PI4KB: variants seen among roughly 807,000 people sequenced by gnomAD.
PI4KB encodes phosphatidylinositol 4-kinase beta, also known as PtdIns 4-kinase beta.
A neutral mutation model predicts 81.4 loss-of-function variants in PI4KB; 23 were observed. The observed-to-expected ratio is 0.28, with a 90% CI of 0.20 to 0.40. The LOEUF is 0.40. Among genes scored for constraint, PI4KB ranks in the 10% least tolerant of loss-of-function variants. The probability of loss-of-function intolerance (pLI) is 1.00; values close to 1 mark genes in which losing one functional copy is unlikely to be tolerated. For synonymous variants in PI4KB, 381 were observed against 406.8 expected (o/e 0.94, Z 0.76); for missense variants, 651 against 1,036.6 (o/e 0.63, Z 5.11).
rs562919125 is a variant in PI4KB, at chr1:151,326,191, G to A, written c.-29+1080C>T. 243 of 1,611,668 alleles carry A rather than the reference G, an allele frequency of 1.5e-4. 5 individuals are homozygous for A. The highest frequency in any genetic ancestry group is 1.3e-3 in the South Asian group (115 of 90,804). ...TCTCACAATCTCATTCAATTTCCAC[G>A]CAGGCCTGTTCATCCCTCTTAGTGG... On this transcript the variant is annotated intron_variant, in intron 1 of 11. Transcript: ENST00000368873.
At chr1:151,300,496 C>T (rs1695171473) in intron 8 of PI4KB, among the ~76,000 whole-genome samples, 1 of 152,102 alleles carries the variant, frequency 6.6e-6, no homozygotes, top group Non-Finnish European at 1.5e-5. Context: ...ATCCCAGCTA[C>T]TTGGGAAGGC....
At chr1:151,308,392 G>A (rs1695960711) in intron 3 of PI4KB, among the ~76,000 whole-genome samples, 1 of 152,218 alleles carries the variant, frequency 6.6e-6, no homozygotes, top group Non-Finnish European at 1.5e-5. Flanking sequence ...AGGCGTCAAT[G>A]CACATGCAGG....
chr1:151,317,608 G>A (rs1392191951), intron 1 of PI4KB, among the ~76,000 whole-genome samples: 4 of 152,172 alleles, frequency 2.6e-5, no homozygotes, highest in Non-Finnish European at 4.4e-5. Flanking sequence ...GAGCCACCAT[G>A]CCTGGTGATT....
At chr1:151,327,618 T>G, upstream of PI4KB, 2 of 371,178 alleles carry the variant, frequency 5.4e-6, no homozygotes, top group Non-Finnish European at 9.5e-6. Flanking sequence ...GCTTTCCTGC[T>G]TCCCCAGCGG....
At chr1:151,305,218 G>C (rs866160254) in intron 5 of PI4KB, among the ~76,000 whole-genome samples, 1 of 152,198 alleles carries the variant, frequency 6.6e-6, no homozygotes, top group African/African-American at 2.4e-5. Flanking sequence ...CACCCACCTC[G>C]GCCTCCCAAA....
chr1:151,302,768 A>G (rs1225327768), intron 6 of PI4KB, among the ~76,000 whole-genome samples: 1 of 149,842 alleles, frequency 6.7e-6, no homozygotes, highest in African/African-American at 2.5e-5. Context: ...TTTTTTTGGT[A>G]GAGATGGGGT....
chr1:151,309,737 A>G (rs1051167209), intron 3 of PI4KB, among the ~76,000 whole-genome samples: 4 of 152,192 alleles, frequency 2.6e-5, no homozygotes, highest in African/African-American at 4.8e-5. Flanking sequence ...GCCAAGTCCT[A>G]TTTGTTTTTG....
chr1:151,296,346 T>G (rs1241902260), intron 9 of PI4KB, among the ~76,000 whole-genome samples: 1 of 152,186 alleles, frequency 6.6e-6, no homozygotes, highest in Non-Finnish European at 1.5e-5. Context: ...CAGGGTGGAA[T>G]GAGCACAGGG....
rs769708110 is a variant in PI4KB, at chr1:151,307,610, G to A, written c.1146C>T (p.Pro382=). The change falls in exon 4 of 12, where the codon CCC becomes CCT. Residue 382 remains proline (P), a synonymous_variant. Transcript: ENST00000368873. ...AGFDHHVVRV[P]HTQAVVLNSK... Reference sequence around the variant, plus strand: ...AGTTGAGGACAACAGCCTGTGTGTGGGGTACACGGACCACGTGGTGGTCAA... The same window carrying A: ...AGTTGAGGACAACAGCCTGTGTGTGAGGTACACGGACCACGTGGTGGTCAA... 6.2e-7 allele frequency: 1 copy of A among 1,614,034 alleles called. No individual in the cohort carries two copies. Among genetic ancestry groups the A allele is most frequent in the Non-Finnish European group, 8.5e-7 (1 of 1,179,914 alleles).
rs760180124 is a variant in PI4KB, at chr1:151,303,538, T to C, written c.1520+3A>G. On this transcript the variant is annotated splice_donor_region_variant and intron_variant, in intron 6 of 11. Transcript: ENST00000368873. ...AATGAGGGGCAATGTGATCTGGCCA[T>C]ACCGGATGTCCCCTGCTGCAATGAA... 3.8e-6 allele frequency: 6 copies of C among 1,582,624 alleles called. No homozygotes were observed. The African/African-American group carries it at 8.1e-5, about 21-fold the overall frequency.
intron 7 of PI4KB, 37 bp downstream of exon 7, chr1:151,302,157 G>T: frequency 6.4e-7 from 1 of 1,552,264 alleles, no homozygotes; most frequent in Non-Finnish European, 8.9e-7. Context: ...CTGCCTCTGA[G>T]CTTTGAGAGG....
At chr1:151,313,081 A>C (rs753584310) in intron 2 of PI4KB, among the ~76,000 whole-genome samples, 6 of 151,606 alleles carry the variant, frequency 4.0e-5, no homozygotes, top group African/African-American at 7.3e-5. Context: ...GAAGGAAGGA[A>C]GGACGGATGG....
intron 3 of PI4KB, among the ~76,000 whole-genome samples, chr1:151,309,631 C>T (rs1035069890): frequency 2.6e-5 from 4 of 152,118 alleles, no homozygotes. Context: ...ACATCCTGGG[C>T]AGTGAGCTGG....
intron 6 of PI4KB, 96 bp downstream of exon 6, chr1:151,303,445 A>G: frequency 1.2e-6 from 1 of 829,636 alleles, no homozygotes. Context: ...GACACAGGCC[A>G]ACAACAGATG....
chr1:151,324,949 A>C, intron 1 of PI4KB: 4 of 900,544 alleles, frequency 4.4e-6, no homozygotes, highest in Non-Finnish European at 5.3e-6. Context: ...GAGAGGAAAT[A>C]TGATTTCTGG....
intron 6 of PI4KB, among the ~76,000 whole-genome samples, chr1:151,303,092 G>A (rs587740287): frequency 1.4e-5 from 2 of 144,468 alleles, no homozygotes; most frequent in South Asian, 2.3e-4. Flanking sequence ...TCCGCCTCCC[G>A]GGTTCACGTC....
Position 151,316,453 on chromosome 1 carries a change from G to C in PI4KB, c.29C>G (p.Pro10Arg), listed in dbSNP as rs761238694. The change falls in exon 2 of 12, where the codon CCC becomes CGC. Residue 10 changes from proline (P) to arginine (R), a missense_variant. Transcript: ENST00000368873. MGDTVVEPA[P>R]LKPTSEPTSG... is the part of the protein sequence containing the mutation. ...AGTGGGCTCAGAAGTTGGCTTCAAG[G>C]GGGCAGGCTCCACTACTGTATCTCC... 1 of 1,555,802 alleles carries C rather than the reference G, an allele frequency of 6.4e-7. No homozygotes were observed. Among genetic ancestry groups the C allele is most frequent in the Admixed American group, 1.9e-5 (1 of 51,692 alleles).
chr1:151,303,198 A>G (rs1269804824), intron 6 of PI4KB, among the ~76,000 whole-genome samples: 2 of 151,006 alleles, frequency 1.3e-5, no homozygotes, highest in East Asian at 2.0e-4. Flanking sequence ...ACGGAGTTTC[A>G]CCGTGTTAGC....
chr1:151,316,523 G>A lies in PI4KB; in HGVS notation c.-28-14C>T. On this transcript the variant is annotated splice_polypyrimidine_tract_variant and intron_variant, in intron 1 of 11. Coordinates refer to ENST00000368873, the MANE Select transcript of PI4KB (RefSeq NM_001369623.2). Reference sequence around the variant, plus strand: ...CGAGCTTCCAAGCTACAGGAAGAGGGAGGGAGAAAAGAACAGAAAGGGAGA... The same window carrying A: ...CGAGCTTCCAAGCTACAGGAAGAGGAAGGGAGAAAAGAACAGAAAGGGAGA... 2 of 1,503,746 alleles carry A rather than the reference G, an allele frequency of 1.3e-6. No individual in the cohort carries two copies. Among genetic ancestry groups the A allele is most frequent in the Non-Finnish European group, 1.8e-6 (2 of 1,124,784 alleles). 93.2% of individuals were successfully genotyped at this position (1,503,746 alleles called of 1,614,324 possible). A position where few individuals can be genotyped will look rare whatever the true frequency, so the allele number is the denominator to read the frequency against.
Sources: allele counts gnomAD v4.1 joint callset (sites outside exome capture counted in the v4.1 genomes callset), GRCh38; gene constraint gnomAD v4.1.1; transcripts MANE v1.5; gene names NCBI Gene and HGNC (gene_info 2026-07-23, HGNC 2026-07-21).